TASP1: variants seen among roughly 807,000 people sequenced by gnomAD.
The protein encoded by TASP1 is taspase 1.
TASP1 carries 16 observed loss-of-function variants against 56.6 expected under a neutral mutation model. The ratio of observed to expected loss-of-function variants is 0.28; its 90% CI spans 0.19 to 0.43. The LOEUF (loss-of-function observed/expected upper bound fraction) is 0.43. TASP1 is among the 20% of genes least tolerant of loss of function. The pLI is 1.00. For missense variants in TASP1, 393 were observed against 511.6 expected (o/e 0.77, Z 2.24); for synonymous variants, 179 against 184.2 (o/e 0.97, Z 0.23).
At chr20:13,270,656 A>C in the TASP1 span, 1 of 1,613,878 alleles carries the variant, frequency 6.2e-7, no homozygotes, top group Non-Finnish European at 8.5e-7. Context: ...CATTGCAAAG[A>C]GATTTCCCCA....
chr20:13,523,415 C>G (rs1183287122), intron 10 of TASP1, among the ~76,000 whole-genome samples: 1 of 152,146 alleles, frequency 6.6e-6, no homozygotes, highest in Non-Finnish European at 1.5e-5. Flanking sequence ...GTCACATAAC[C>G]CCCCTCTCAC....
At chr20:13,566,808 G>A (rs1230525649) in intron 7 of TASP1, among the ~76,000 whole-genome samples, 1 of 152,154 alleles carries the variant, frequency 6.6e-6, no homozygotes, top group African/African-American at 2.4e-5. Flanking sequence ...CGGAGAAAAA[G>A]TGCTTACACA....
the TASP1 span, among the ~76,000 whole-genome samples, chr20:13,259,698 A>G: frequency 6.6e-6 from 1 of 152,230 alleles, no homozygotes; most frequent in African/African-American, 2.4e-5. Context: ...CTAGACAAAA[A>G]CATTTCTATA....
In TASP1 at chr20:13,533,203, A is replaced by G. The variant is rs193180336; in HGVS notation, c.795+819T>C. Among the ~76,000 whole-genome samples, 20 of 152,326 alleles carry G rather than the reference A, an allele frequency of 1.3e-4. No individual in the cohort carries two copies. In the East Asian group the frequency reaches 3.3e-3, roughly 25 times the overall value. On this transcript the variant is annotated intron_variant, in intron 9 of 13. Coordinates refer to ENST00000337743, the MANE Select transcript of TASP1 (RefSeq NM_017714.3). ...GTGACAAAGTACACAAAGCATAACA[A>G]GACACATTCCATCTATAAGATGCCA... is the stretch of plus-strand genomic sequence containing the variant.
At chr20:13,124,657 C>T in the TASP1 span, among the ~76,000 whole-genome samples, 853 of 152,258 alleles carry the variant, frequency 5.6e-3, 6 homozygotes, top group African/African-American at 0.02. Flanking sequence ...ATGGACCAGG[C>T]AGAGTCATCA....
At chr20:13,272,124 C>A in the TASP1 span, among the ~76,000 whole-genome samples, 1 of 152,142 alleles carries the variant, frequency 6.6e-6, no homozygotes, top group African/African-American at 2.4e-5. Flanking sequence ...TGTATAGGTG[C>A]ACCTTTTCTG....
At chr20:13,312,316 T>C in the TASP1 span, among the ~76,000 whole-genome samples, 2 of 152,154 alleles carry the variant, frequency 1.3e-5, no homozygotes, top group Admixed American at 1.3e-4. Flanking sequence ...GTGTGGCCAG[T>C]GTATGTGGCC....
chr20:13,531,408 T>C (rs1176193498), intron 9 of TASP1, among the ~76,000 whole-genome samples: 2 of 151,920 alleles, frequency 1.3e-5, no homozygotes, highest in African/African-American at 4.8e-5. Context: ...TCCTTTCTCA[T>C]GTCCAAACTG....
intron 4 of TASP1, among the ~76,000 whole-genome samples, chr20:13,615,035 A>G (rs949137114): frequency 2.6e-5 from 4 of 152,220 alleles, no homozygotes; most frequent in African/African-American, 7.2e-5. Flanking sequence ...TGGAATTATA[A>G]TAATTTAAAC....
intron 12 of TASP1, among the ~76,000 whole-genome samples, chr20:13,433,520 CAAAAAAAAAA>C (rs74746255): frequency 1.1e-5 from 1 of 89,214 alleles, no homozygotes; most frequent in Non-Finnish European, 2.1e-5. Context: ...GACAGTATGG[CAAAAAAAAAA>C]AAAAAAAAAA....
chr20:13,200,222 C>G, the TASP1 span, among the ~76,000 whole-genome samples: 1 of 152,300 alleles, frequency 6.6e-6, no homozygotes, highest in East Asian at 1.9e-4. Context: ...GTGAAATTGT[C>G]AATGCCAAGT....
chr20:13,506,423 A>T (rs1451552532), intron 10 of TASP1, among the ~76,000 whole-genome samples: 1 of 152,196 alleles, frequency 6.6e-6, no homozygotes, highest in African/African-American at 2.4e-5. Context: ...TACCAAAGCT[A>T]AGCAAAGGCA....
chr20:13,396,823 C>A (rs6042067), intron 13 of TASP1, among the ~76,000 whole-genome samples: 2 of 152,132 alleles, frequency 1.3e-5, no homozygotes, highest in Non-Finnish European at 2.9e-5. Flanking sequence ...AGATGACATT[C>A]GGGTAAATTT....
At chr20:13,618,310 G>A (rs186459850) in intron 4 of TASP1, among the ~76,000 whole-genome samples, 2 of 152,246 alleles carry the variant, frequency 1.3e-5, no homozygotes, top group East Asian at 1.9e-4. Context: ...CTACTCAGGA[G>A]GCTGAGGCAT....
the TASP1 span, among the ~76,000 whole-genome samples, chr20:13,107,775 C>CTT: frequency 1.4e-5 from 2 of 142,000 alleles, no homozygotes; most frequent in Non-Finnish European, 1.5e-5. Flanking sequence ...GGAAAATGAC[C>CTT]TTTTTTTTTT....
At chr20:13,618,435 A>G (rs1343832986) in intron 4 of TASP1, among the ~76,000 whole-genome samples, 1 of 152,164 alleles carries the variant, frequency 6.6e-6, no homozygotes, top group Non-Finnish European at 1.5e-5. Flanking sequence ...AAAAATGTAG[A>G]GATACAGACA....
the TASP1 span, among the ~76,000 whole-genome samples, chr20:13,290,632 C>T: frequency 0.41 from 61,560 of 151,578 alleles, 13,516 homozygotes; most frequent in African/African-American, 0.59. Context: ...CACTCCAGCC[C>T]GGGCGACAGA....
intron 12 of TASP1, among the ~76,000 whole-genome samples, chr20:13,417,782 G>A (rs1411480060): frequency 6.6e-6 from 1 of 151,834 alleles, no homozygotes; most frequent in Admixed American, 6.6e-5. Flanking sequence ...TTTGACTCTT[G>A]TAACATTAAA....
the TASP1 span, among the ~76,000 whole-genome samples, chr20:13,323,347 C>G: frequency 6.6e-6 from 1 of 152,084 alleles, no homozygotes; most frequent in Non-Finnish European, 1.5e-5. Context: ...CGGAGCAAGG[C>G]AAGAAAGTTG....
Sources: gnomAD v4.1 joint callset for allele counts (sites outside exome capture counted in the v4.1 genomes callset) on GRCh38, gnomAD v4.1.1 for gene constraint, MANE v1.5 for transcripts, NCBI Gene and HGNC (gene_info 2026-07-23, HGNC 2026-07-21) for gene names.